Variants in PALM2AKAP2 observed in about 807,000 individuals in gnomAD.
PALM2AKAP2 encodes PALM2-AKAP2 fusion protein.
A neutral mutation model predicts 71.5 loss-of-function variants in PALM2AKAP2; 37 were observed. That is an observed-to-expected ratio of 0.52 (90% CI 0.40 to 0.68). The LOEUF is 0.68. Among genes scored for constraint, PALM2AKAP2 ranks in the 30% least tolerant of loss-of-function variants. PALM2AKAP2 has a pLI of 0.00. For missense variants in PALM2AKAP2, 1,224 were observed against 1,191.8 expected (o/e 1.03, Z -0.40); for synonymous variants, 468 against 478.8 (o/e 0.98, Z 0.29).
At chr9:109,796,985 A>T (rs1314836888) in intron 1 of PALM2AKAP2, among the ~76,000 whole-genome samples, 3 of 152,182 alleles carry the variant, frequency 2.0e-5, no homozygotes, top group African/African-American at 7.2e-5. Context: ...GGTGGTAAAA[A>T]TAACCTTTAG....
rs142027312 is a variant in PALM2AKAP2 at position 110,143,552 on chromosome 9, A to T, written c.2569+5013A>T. 1.8e-3 allele frequency among the ~76,000 whole-genome samples: 281 copies of T among 152,326 alleles called. 3 individuals carry two copies. The highest frequency in any genetic ancestry group is 6.6e-3 in the African/African-American group (276 of 41,574). On this transcript the variant is annotated intron_variant, in intron 2 of 3. Coordinates refer to ENST00000374525, the Ensembl canonical transcript of PALM2AKAP2. The stretch of plus-strand genomic sequence containing the variant: ...GAATTAGGGGGTGGGATATCCAAAC[A>T]TTGTATTGAAGTTGCAGTTCAAGAC...
intron 1 of PALM2AKAP2, among the ~76,000 whole-genome samples, chr9:109,751,859 A>G (rs767445540): frequency 6.6e-6 from 1 of 152,242 alleles, no homozygotes; most frequent in Admixed American, 6.5e-5. Flanking sequence ...GGCCTGAGGG[A>G]ATATGGGGAG....
At chr9:109,705,371 T>C (rs2118593605) in intron 1 of PALM2AKAP2, among the ~76,000 whole-genome samples, 1 of 152,282 alleles carries the variant, frequency 6.6e-6, no homozygotes, top group East Asian at 1.9e-4. Context: ...TCCTTGGCCT[T>C]TAGGAAAACT....
chr9:110,147,529 T>C (rs1228580422), intron 2 of PALM2AKAP2, among the ~76,000 whole-genome samples: 1 of 152,158 alleles, frequency 6.6e-6, no homozygotes, highest in Non-Finnish European at 1.5e-5. Flanking sequence ...TGCTCTTTTG[T>C]TTTAAGAAAA....
chr9:109,967,012 T>C (rs898920120), intron 6 of PALM2AKAP2, among the ~76,000 whole-genome samples: 1 of 152,172 alleles, frequency 6.6e-6, no homozygotes, highest in African/African-American at 2.4e-5. Context: ...ACGAAAATGA[T>C]TTATGTTCTA....
In PALM2AKAP2 at chr9:110,125,247, G is replaced by A. The variant is rs150069705; in HGVS notation, c.157-10880G>A. ...CCTCTGAATTGCCGAGAAGACAGTG[G>A]TAGCTGATTCACATCAATGCTAACT... On this transcript the variant is annotated intron_variant, in intron 1 of 3. Transcript: ENST00000374525. Among the ~76,000 whole-genome samples the A allele has an allele frequency of 2.0e-5, 3 of 152,298 alleles. No homozygotes were observed. In the East Asian group the frequency reaches 5.8e-4, roughly 29 times the overall value.
At chr9:110,157,778 C>T (rs1016627274) in intron 3 of PALM2AKAP2, among the ~76,000 whole-genome samples, 1 of 152,158 alleles carries the variant, frequency 6.6e-6, no homozygotes, top group Admixed American at 6.5e-5. Flanking sequence ...ATGAAGTTCA[C>T]AGTAAGAATT....
intron 1 of PALM2AKAP2, among the ~76,000 whole-genome samples, chr9:109,690,844 C>T (rs1170841525): frequency 6.6e-6 from 1 of 152,146 alleles, no homozygotes; most frequent in Non-Finnish European, 1.5e-5. Context: ...CTCAATTTTA[C>T]ATGTTTTTTG....
chr9:109,746,549 A>G (rs557694376), intron 1 of PALM2AKAP2, among the ~76,000 whole-genome samples: 1 of 152,198 alleles, frequency 6.6e-6, no homozygotes, highest in Non-Finnish European at 1.5e-5. Flanking sequence ...TATATTTATT[A>G]TTATTATTGA....
intron 1 of PALM2AKAP2, among the ~76,000 whole-genome samples, chr9:109,836,738 G>T (rs1433565667): frequency 3.9e-5 from 6 of 152,226 alleles, no homozygotes; most frequent in Non-Finnish European, 8.8e-5. Flanking sequence ...GAATGCCCAA[G>T]CCTCAGTAGC....
chr9:109,710,156 G>A (rs1828210597), intron 1 of PALM2AKAP2, among the ~76,000 whole-genome samples: 2 of 152,208 alleles, frequency 1.3e-5, no homozygotes, highest in Admixed American at 1.3e-4. Flanking sequence ...AGAGCCTATA[G>A]AAGGACCCAA....
chr9:109,674,353 G>A (rs982810413), intron 1 of PALM2AKAP2, among the ~76,000 whole-genome samples: 1 of 151,428 alleles, frequency 6.6e-6, no homozygotes, highest in Non-Finnish European at 1.5e-5. Flanking sequence ...TTTTCTTTGT[G>A]GCTACAGGTC....
At chr9:109,939,157 A>C (rs1313151135) in intron 6 of PALM2AKAP2, among the ~76,000 whole-genome samples, 1 of 152,082 alleles carries the variant, frequency 6.6e-6, no homozygotes, top group Non-Finnish European at 1.5e-5. Context: ...ACCACCACAA[A>C]ATACTCCTTC....
chr9:109,683,896 A>G (rs1375873938), intron 1 of PALM2AKAP2, among the ~76,000 whole-genome samples: 1 of 151,618 alleles, frequency 6.6e-6, no homozygotes. Flanking sequence ...TATATTGGTT[A>G]TATTATAACT....
chr9:109,785,543 A>G (rs1176135053), intron 1 of PALM2AKAP2, among the ~76,000 whole-genome samples: 1 of 152,198 alleles, frequency 6.6e-6, no homozygotes, highest in African/African-American at 2.4e-5. Flanking sequence ...ATGGACTTAT[A>G]GTTCCACGTG....
intron 3 of PALM2AKAP2, among the ~76,000 whole-genome samples, chr9:109,892,670 G>T (rs966967254): frequency 6.6e-6 from 1 of 152,170 alleles, no homozygotes; most frequent in Non-Finnish European, 1.5e-5. Context: ...TTAGGGGCAT[G>T]AACATCCGCG....
At chr9:109,807,242 G>A (rs1827600659) in intron 1 of PALM2AKAP2, among the ~76,000 whole-genome samples, 1 of 152,188 alleles carries the variant, frequency 6.6e-6, no homozygotes, top group Non-Finnish European at 1.5e-5. Context: ...CCATGGGAAG[G>A]CCTGCTGTGA....
intron 3 of PALM2AKAP2, among the ~76,000 whole-genome samples, chr9:109,915,830 T>G (rs1264242413): frequency 2.6e-5 from 4 of 152,244 alleles, no homozygotes; most frequent in Middle Eastern, 3.4e-3. Context: ...GAAGCCCACC[T>G]GAGTTCACAG....
intron 6 of PALM2AKAP2, among the ~76,000 whole-genome samples, chr9:109,934,044 G>A (rs1831168762): frequency 6.6e-6 from 1 of 152,218 alleles, no homozygotes; most frequent in South Asian, 2.1e-4. Flanking sequence ...TTACTGAGTA[G>A]TATAACAAAT....
Sources: allele counts gnomAD v4.1 joint callset (sites outside exome capture counted in the v4.1 genomes callset), GRCh38; gene constraint gnomAD v4.1.1; transcripts MANE v1.5; gene names NCBI Gene and HGNC (gene_info 2026-07-23, HGNC 2026-07-21).